Variants in CACNA1C observed in about 807,000 individuals in gnomAD.
The protein encoded by CACNA1C is calcium voltage-gated channel subunit alpha1 C.
Under a neutral mutation model 229.0 loss-of-function variants are expected in CACNA1C, and 30 were observed. The observed-to-expected ratio is 0.13, with a 90% CI of 0.10 to 0.18. The LOEUF is 0.18. CACNA1C is among the 10% of genes least tolerant of loss of function. The probability of loss-of-function intolerance (pLI) is 1.00; values close to 1 mark genes in which losing one functional copy is unlikely to be tolerated. For missense variants in CACNA1C, 1,658 were observed against 2,845.0 expected (o/e 0.58, Z 9.49); for synonymous variants, 1,114 against 1,132.5 (o/e 0.98, Z 0.33).
intron 3 of CACNA1C, among the ~76,000 whole-genome samples, chr12:2,404,412 G>T (rs563327877): frequency 1.1e-4 from 16 of 152,110 alleles, no homozygotes; most frequent in Non-Finnish European, 2.4e-4. Context: ...TAGGAGCCCC[G>T]CACCCAAGCC....
intron 3 of CACNA1C, among the ~76,000 whole-genome samples, chr12:2,446,199 G>A (rs149385218): frequency 2.9e-5 from 4 of 137,016 alleles, no homozygotes; most frequent in East Asian, 4.5e-4. Context: ...AGGTGGGTGG[G>A]TGGATGGATG....
chr12:2,297,895 T>G (rs2094206734), intron 3 of CACNA1C, among the ~76,000 whole-genome samples: 1 of 152,084 alleles, frequency 6.6e-6, no homozygotes, highest in Non-Finnish European at 1.5e-5. Context: ...CACACACGTG[T>G]GCACATGCAA....
chr12:2,524,781 C>T (rs1217319072), intron 9 of CACNA1C, among the ~76,000 whole-genome samples: 1 of 152,184 alleles, frequency 6.6e-6, no homozygotes, highest in African/African-American at 2.4e-5. Flanking sequence ...TTGCTCGCGA[C>T]ACACCATCGG....
chr12:2,631,585 C>G (rs745479380), intron 29 of CACNA1C, among the ~76,000 whole-genome samples: 1 of 152,190 alleles, frequency 6.6e-6, no homozygotes, highest in Non-Finnish European at 1.5e-5. Context: ...AACCTGAGAG[C>G]GAATTGGTTA....
intron 1 of CACNA1C, among the ~76,000 whole-genome samples, chr12:2,036,342 T>C (rs1349506305): frequency 6.6e-6 from 1 of 152,100 alleles, no homozygotes; most frequent in Non-Finnish European, 1.5e-5. Flanking sequence ...GGCGCTCTGA[T>C]CATCTATTGC....
At chr12:2,069,438 T>C (rs2060440520) in intron 1 of CACNA1C, among the ~76,000 whole-genome samples, 1 of 152,172 alleles carries the variant, frequency 6.6e-6, no homozygotes, top group South Asian at 2.1e-4. Context: ...TGTGTGGATG[T>C]GCATTTGTGT....
At chr12:2,176,563 TG>T (rs1375567702) in intron 3 of CACNA1C, among the ~76,000 whole-genome samples, 2 of 145,934 alleles carry the variant, frequency 1.4e-5, no homozygotes, top group Non-Finnish European at 3.0e-5. Context: ...TAGGGCCTAT[TG>T]GGGGGGTTGG....
At chr12:2,320,216 G>A (rs1224767042) in intron 3 of CACNA1C, among the ~76,000 whole-genome samples, 2 of 152,134 alleles carry the variant, frequency 1.3e-5, no homozygotes, top group African/African-American at 4.8e-5. Flanking sequence ...TTGGACTTCA[G>A]GTCCTGTGGG....
intron 1 of CACNA1C, chr12:2,020,624 C>A (rs1166448257): frequency 6.6e-6 from 1 of 152,076 alleles, no homozygotes; most frequent in African/African-American, 2.4e-5. Flanking sequence ...CACTTGGCTA[C>A]AACAAAATGG....
chr12:2,431,108 A>T (rs1447315017), intron 3 of CACNA1C, among the ~76,000 whole-genome samples: 3 of 152,170 alleles, frequency 2.0e-5, no homozygotes, highest in Non-Finnish European at 4.4e-5. Context: ...CCATGGGGCC[A>T]CTTAGGTCAG....
At chr12:1,995,094 T>G (rs370300831) in intron 1 of CACNA1C, among the ~76,000 whole-genome samples, 1 of 152,218 alleles carries the variant, frequency 6.6e-6, no homozygotes, top group South Asian at 2.1e-4. Context: ...TTTAATGTTT[T>G]GTTTAATTGA....
chr12:2,475,347 A>G, intron 5 of CACNA1C, among the ~76,000 whole-genome samples: 1 of 152,216 alleles, frequency 6.6e-6, no homozygotes, highest in East Asian at 1.9e-4. Context: ...CATGATACCA[A>G]ATAACTATAT....
chr12:2,128,134 G>T (rs2090880206), intron 3 of CACNA1C, among the ~76,000 whole-genome samples: 1 of 152,172 alleles, frequency 6.6e-6, no homozygotes, highest in Non-Finnish European at 1.5e-5. Flanking sequence ...TTTCAGATAA[G>T]AAAGTAAAGT....
chr12:2,236,003 G>A (rs2067211686), intron 3 of CACNA1C, among the ~76,000 whole-genome samples: 1 of 152,180 alleles, frequency 6.6e-6, no homozygotes, highest in Admixed American at 6.5e-5. Context: ...ATCATTGAAA[G>A]GTTAATAATT....
intron 11 of CACNA1C, among the ~76,000 whole-genome samples, chr12:2,561,025 A>G (rs2047195202): frequency 6.6e-6 from 1 of 152,084 alleles, no homozygotes; most frequent in Non-Finnish European, 1.5e-5. Context: ...CTGGTTCACA[A>G]GAGCTCCGGG....
Position 2,465,102 on chromosome 12 carries a change from T to G in CACNA1C, c.757+7396T>G, listed in dbSNP as rs1597166211. On this transcript the variant is annotated intron_variant, in intron 5 of 46. Transcript: ENST00000399655. ...TATGCTGTTGGAAAGACTAAATGAG[T>G]TAAGGCACGCAAAGCACTTTAATGG... is the stretch of plus-strand genomic sequence containing the variant. Among the ~76,000 whole-genome samples, 3 of 152,308 alleles carry G rather than the reference T, an allele frequency of 2.0e-5. No individual in the cohort carries two copies. The East Asian group carries it at 5.8e-4, about 29-fold the overall frequency.
chr12:2,029,627 G>A lies in CACNA1C; in HGVS notation c.139+58426G>A, dbSNP rs73044406. Among the ~76,000 whole-genome samples, 6,157 of 152,164 alleles carry A rather than the reference G, an allele frequency of 0.04. 183 individuals carry two copies. The highest frequency in any genetic ancestry group is 0.064 in the Non-Finnish European group (4,342 of 68,016). On this transcript the variant is annotated intron_variant, in intron 1 of 46. Transcript: ENST00000682462. This position sits in a 1 kb window ranked among gnomAD's most constrained non-coding sequence, Gnocchi z 4.9. ...TTTCATTCCTTTTTATGGCTTTTAC[G>A]TTGCACTTTGGTTAAAGAATTTTGT...
chr12:2,143,392 G>A (rs1300866752), intron 3 of CACNA1C, among the ~76,000 whole-genome samples: 2 of 151,234 alleles, frequency 1.3e-5, no homozygotes, highest in Non-Finnish European at 1.5e-5. Context: ...CTCACACAGA[G>A]CAACTTTCAG....
chr12:2,373,318 C>T (rs937760519), intron 3 of CACNA1C, among the ~76,000 whole-genome samples: 6 of 152,158 alleles, frequency 3.9e-5, no homozygotes, highest in Non-Finnish European at 8.8e-5. Flanking sequence ...ATAACACGAA[C>T]GGGGTTTCTC....
Sources: gnomAD v4.1 joint callset for allele counts (sites outside exome capture counted in the v4.1 genomes callset) on GRCh38, gnomAD v4.1.1 for gene constraint, Gnocchi (gnomAD v3.1) non-coding constraint, MANE v1.5 for transcripts, NCBI Gene and HGNC (gene_info 2026-07-23, HGNC 2026-07-21) for gene names.